SYNE2: variants seen among roughly 807,000 people sequenced by gnomAD.
SYNE2 encodes the protein nesprin-2.
SYNE2 carries 431 observed loss-of-function variants against 856.3 expected under a neutral mutation model. That is an observed-to-expected ratio of 0.50 (90% confidence interval 0.47 to 0.55). SYNE2 has a LOEUF of 0.55. SYNE2 is among the 20% of genes least tolerant of loss of function. The pLI is 0.00. For missense variants in SYNE2, 8,129 were observed against 8,023.2 expected (o/e 1.01, Z -0.50); for synonymous variants, 2,923 against 2,872.3 (o/e 1.02, Z -0.56).
At chr14:64,125,523 A>G (rs1006832190) in intron 71 of SYNE2, among the ~76,000 whole-genome samples, 2 of 152,144 alleles carry the variant, frequency 1.3e-5, no homozygotes, top group Non-Finnish European at 2.9e-5. Flanking sequence ...GAGTATAGGC[A>G]TGGTTTTCAA....
chr14:63,969,052 T>C lies in SYNE2; in HGVS notation c.1128+1206T>C, dbSNP rs149174424. On this transcript the variant is annotated intron_variant, in intron 11 of 115. Coordinates refer to ENST00000555002, the MANE Select transcript of SYNE2 (RefSeq NM_182914.3). ...TCCATGAGTTAAACTGTTTTGATTT[T>C]TAGATTCCACAAATAAGTAAGAACA... Among the ~76,000 whole-genome samples the C allele has an allele frequency of 3.0e-4, 46 of 152,358 alleles. No homozygotes were observed. The East Asian group carries it at 8.7e-3, about 29-fold the overall frequency.
At chr14:63,873,886 A>G (rs754820772) in intron 1 of SYNE2, 2 of 152,148 alleles carry the variant, frequency 1.3e-5, no homozygotes, top group Non-Finnish European at 2.9e-5. Flanking sequence ...TATTAACACT[A>G]TTTGGGTTGT....
chr14:63,896,899 A>G (rs2095261601), intron 1 of SYNE2, among the ~76,000 whole-genome samples: 1 of 152,196 alleles, frequency 6.6e-6, no homozygotes, highest in African/African-American at 2.4e-5. Flanking sequence ...AGTGGTGGGT[A>G]TCCTGCCTTA....
chr14:63,767,743 A>C (rs1242770606), intron 1 of SYNE2, among the ~76,000 whole-genome samples: 1 of 152,044 alleles, frequency 6.6e-6, no homozygotes, highest in Non-Finnish European at 1.5e-5. Context: ...TATCACCCTC[A>C]TATTCTATCT....
At position 64,024,137 on chromosome 14, in the gene SYNE2, C is replaced by T. The variant is rs981026427; in HGVS notation, c.5638-120C>T. ...AGCCACATCTCCATCACCCTTCTTT[C>T]GTATAGGATCTTAAGAAGGTGGTAT... On this transcript the variant is annotated intron_variant, in intron 38 of 115. Transcript: ENST00000555002. 29 of 797,866 alleles carry T rather than the reference C, an allele frequency of 3.6e-5. No individual in the cohort carries two copies. In the Admixed American group the frequency reaches 4.2e-4, roughly 12 times the overall value. 49.4% of individuals were successfully genotyped at this position (797,866 alleles called of 1,614,324 possible). A position where few individuals can be genotyped will look rare whatever the true frequency, so the allele number is the denominator to read the frequency against.
chr14:64,149,230 G>T (rs759670053), intron 84 of SYNE2, among the ~76,000 whole-genome samples: 41 of 151,872 alleles, frequency 2.7e-4, no homozygotes, highest in Admixed American at 1.2e-3. Context: ...CTTGAGCCAG[G>T]AGTTCAAGGT....
intron 23 of SYNE2, among the ~76,000 whole-genome samples, chr14:63,996,710 A>G (rs1372726247): frequency 6.6e-6 from 1 of 152,066 alleles, no homozygotes; most frequent in Non-Finnish European, 1.5e-5. Context: ...GGTAGGCTCT[A>G]TCATAACACT....
At chr14:64,025,106 T>G in intron 40 of SYNE2, 24 bp from the exon 41 acceptor site, 1 of 1,614,044 alleles carries the variant, frequency 6.2e-7, no homozygotes, top group East Asian at 2.2e-5. Flanking sequence ...CCTATAAACT[T>G]TAAGTGGTAT....
At chr14:64,123,942 C>T (rs896120396) in intron 70 of SYNE2, among the ~76,000 whole-genome samples, 4 of 151,048 alleles carry the variant, frequency 2.6e-5, no homozygotes, top group African/African-American at 4.9e-5. Context: ...CAGTGGCTCA[C>T]GCCTATAATC....
Position 64,159,429 on chromosome 14 carries a change from A to G in SYNE2, c.16081A>G (p.Asn5361Asp), listed in dbSNP as rs540436485. 1 of 1,613,796 alleles carries G rather than the reference A, an allele frequency of 6.2e-7. No homozygotes were observed. The highest frequency in any genetic ancestry group is 1.3e-5 in the African/African-American group (1 of 75,042). The change falls in exon 87 of 116, where the codon AAT becomes GAT. Residue 5361 changes from asparagine (N) to aspartate (D), a missense_variant. This residue lies in a region of SYNE2 where 5,410 missense variants were observed against 5,284.8 expected (regional missense o/e 1.02). Transcript: ENST00000555002. ...VAEIIEEKCQ[N>D]THKRWTQVNQ... is the part of the protein sequence containing the mutation. ...TGAAATAATCGAAGAGAAATGCCAA[A>G]ATACTCATAAAAGGTATGCTTTCAG...
chr14:63,840,241 A>G (rs1177779985), intron 1 of SYNE2, among the ~76,000 whole-genome samples: 1 of 152,126 alleles, frequency 6.6e-6, no homozygotes, highest in East Asian at 1.9e-4. Context: ...ATTGCACTCC[A>G]GCCTGGGGGA....
At chr14:64,062,429 C>T in intron 49 of SYNE2, among the ~76,000 whole-genome samples, 1 of 151,980 alleles carries the variant, frequency 6.6e-6, no homozygotes, top group Non-Finnish European at 1.5e-5. Flanking sequence ...TGGTTTTCCA[C>T]AAGAATTGTA....
chr14:64,219,234 C>G lies in SYNE2; in HGVS notation c.19684C>G (p.Gln6562Glu), dbSNP rs766811992. Residue 6562 changes from glutamine (Q) to glutamate (E), a missense_variant, in exon 110 of 116, where the codon CAA becomes GAA. Physicochemically the swap from Gln to Glu is conservative, Grantham distance 29 (BLOSUM62 2). Around this residue, in one of 3 missense-constraint regions of SYNE2, gnomAD observed 5,410 missense variants for 5,284.8 expected, o/e 1.02. Transcript: ENST00000555002. ...SGAFDRWEMI[Q>E]AQELHNKLKI... is the part of the protein sequence containing the mutation. ...TGCCTTCGACAGATGGGAGATGATT[C>G]AAGCACAGGAGCTTCACAATAAGCT... 5 of 1,603,750 alleles carry G rather than the reference C, an allele frequency of 3.1e-6. No individual in the cohort carries two copies. In the African/African-American group the frequency reaches 4.1e-5, roughly 13 times the overall value.
chr14:64,041,435 G>C (rs1339583820), intron 45 of SYNE2, among the ~76,000 whole-genome samples: 4 of 152,066 alleles, frequency 2.6e-5, no homozygotes, highest in African/African-American at 9.7e-5. Flanking sequence ...ACTATTAGAA[G>C]ATTAATATCC....
At chr14:63,866,980 ATATT>A (rs1380468255) in intron 1 of SYNE2, among the ~76,000 whole-genome samples, 1 of 152,212 alleles carries the variant, frequency 6.6e-6, no homozygotes, top group East Asian at 1.9e-4. Flanking sequence ...AAAATTGTTA[ATATT>A]TATTTAGTAC....
In SYNE2 at chr14:64,216,015, C is replaced by T. The variant is rs930146790; in HGVS notation, c.19403-233C>T. The T allele has an allele frequency of 5.5e-6, 8 of 1,447,870 alleles. No homozygotes were observed. In the African/African-American group the frequency reaches 7.0e-5, roughly 13 times the overall value. The allele number at this position is 1,447,870 out of a possible 1,614,324, so 89.7% of individuals were successfully genotyped here. The stretch of plus-strand genomic sequence containing the variant: ...CCTGGCTCCAAAACGCCACTCATCC[C>T]ACAGCAAATCATGTTGGTCGTGCTC... On this transcript the variant is annotated intron_variant, in intron 107 of 115. Coordinates refer to ENST00000555002, the MANE Select transcript of SYNE2 (RefSeq NM_182914.3).
intron 1 of SYNE2, among the ~76,000 whole-genome samples, chr14:63,832,710 C>T (rs984775720): frequency 2.6e-5 from 4 of 151,516 alleles, no homozygotes; most frequent in Non-Finnish European, 4.4e-5. Context: ...TTAAAATATA[C>T]CAAAGTAGGA....
intron 54 of SYNE2, 103 bp from the exon 55 acceptor site, chr14:64,078,363 T>G: frequency 6.6e-7 from 1 of 1,515,934 alleles, no homozygotes; most frequent in African/African-American, 1.4e-5. Flanking sequence ...CTTAAAAAAT[T>G]TTTACAAGTT....
At chr14:63,982,820 T>A (rs2096596680) in intron 17 of SYNE2, 26 bp downstream of exon 17, 1 of 1,609,020 alleles carries the variant, frequency 6.2e-7, no homozygotes, top group African/African-American at 1.3e-5. Context: ...TGGTTGCAGC[T>A]TTATTTAGAT....
Sources: allele counts gnomAD v4.1 joint callset (sites outside exome capture counted in the v4.1 genomes callset), GRCh38; gene constraint gnomAD v4.1.1; regional missense constraint gnomAD v4.1.1; transcripts MANE v1.5; gene names NCBI Gene and HGNC (gene_info 2026-07-23, HGNC 2026-07-21).